DNAH7: variants seen among roughly 807,000 people sequenced by gnomAD.
DNAH7 encodes the protein dynein axonemal heavy chain 7.
In DNAH7, 397 loss-of-function variants were observed where a neutral mutation model predicts 444.6. That is an observed-to-expected ratio of 0.89 (90% CI 0.82 to 0.97). The LOEUF (loss-of-function observed/expected upper bound fraction) is 0.97, where lower values mean the gene tolerates loss of function less well. Ranked by LOEUF, DNAH7 falls within the 50% of genes least tolerant of loss-of-function variation. The pLI is 0.00. For synonymous variants in DNAH7, 1,636 were observed against 1,624.4 expected (o/e 1.01, Z -0.17); for missense variants, 4,902 against 4,800.8 (o/e 1.02, Z -0.62).
At chr2:196,031,887 T>C (rs1028440390) in intron 5 of DNAH7, among the ~76,000 whole-genome samples, 8 of 152,218 alleles carry the variant, frequency 5.3e-5, no homozygotes, top group African/African-American at 1.9e-4. Flanking sequence ...CCTTCCAAAC[T>C]GTTCCAACCT....
chr2:195,827,751 T>A (rs1697844800), intron 48 of DNAH7, among the ~76,000 whole-genome samples: 1 of 151,790 alleles, frequency 6.6e-6, no homozygotes, highest in Non-Finnish European at 1.5e-5. Flanking sequence ...GCTAATTTTT[T>A]TTTTTTTCAG....
At chr2:195,876,498 A>C in intron 37 of DNAH7, 46 bp downstream of exon 37, 1 of 1,561,574 alleles carries the variant, frequency 6.4e-7, no homozygotes, top group Non-Finnish European at 8.7e-7. Context: ...TTCCAACTGC[A>C]GCAATGTATA....
At position 195,756,193 on chromosome 2, in the gene DNAH7, T is replaced by TG. The variant is rs1351511370; in HGVS notation, c.11525dup (p.Ser3843LysfsTer3). The TG allele has an allele frequency of 4.3e-6, 7 of 1,613,592 alleles. No homozygotes were observed. In the South Asian group the frequency reaches 5.5e-5, roughly 13 times the overall value. On this transcript the variant is annotated frameshift_variant, in exon 62 of 65. Coordinates refer to ENST00000312428, the MANE Select transcript of DNAH7 (RefSeq NM_018897.3). LOFTEE classifies it high-confidence loss of function. ...CATAGCTGCCAAGTGGTTTAAGGCT[T>TG]GGGTAGGATTTACCCATCCACATTT...
At chr2:195,869,600 C>T (rs1345642253) in intron 40 of DNAH7, among the ~76,000 whole-genome samples, 1 of 152,046 alleles carries the variant, frequency 6.6e-6, no homozygotes, top group East Asian at 1.9e-4. Flanking sequence ...AAAGCTTCAA[C>T]TAGAAAGAAG....
rs182966427 is a variant in DNAH7, at chr2:195,965,241, G to A, written c.2206-4296C>T. Among the ~76,000 whole-genome samples, 244 of 152,050 alleles carry A rather than the reference G, an allele frequency of 1.6e-3. 1 individual carries two copies. The highest frequency in any genetic ancestry group is 2.8e-3 in the Non-Finnish European group (189 of 67,964). Reference sequence around the variant, plus strand: ...TTGAAATGATCATATTATTTTTGTCGTTCATTCTCTTTATATGATGCATCA... The same window carrying A: ...TTGAAATGATCATATTATTTTTGTCATTCATTCTCTTTATATGATGCATCA... On this transcript the variant is annotated intron_variant, in intron 17 of 64. Transcript: ENST00000312428.
Position 195,796,642 on chromosome 2 carries a change from T to C in DNAH7, c.10449A>G (p.Thr3483=). ...GGTGACAATTCTGAAGAACAACCCA[T>C]GTTCCTTCCTTGACAGCTTTTTCTA... ...KMLEKAVKEG[T]WVVLQNCHLA... The change falls in exon 56 of 65, where the codon ACA becomes ACG. Residue 3483 remains threonine (T), a synonymous_variant. Transcript: ENST00000312428. 1 of 1,614,202 alleles carries C rather than the reference T, an allele frequency of 6.2e-7. No individual in the cohort carries two copies. Among genetic ancestry groups the C allele is most frequent in the Non-Finnish European group, 8.5e-7 (1 of 1,180,008 alleles).
intron 5 of DNAH7, among the ~76,000 whole-genome samples, chr2:196,033,925 C>T (rs1001789996): frequency 1.3e-5 from 2 of 152,166 alleles, no homozygotes; most frequent in African/African-American, 4.8e-5. Context: ...ACAAAGGTTC[C>T]TTTTCTCCAC....
intron 9 of DNAH7, among the ~76,000 whole-genome samples, chr2:196,013,855 A>G (rs1694856424): frequency 6.6e-6 from 1 of 152,226 alleles, no homozygotes; most frequent in Non-Finnish European, 1.5e-5. Flanking sequence ...ATTATTTTAC[A>G]TTTTAAAATT....
intron 40 of DNAH7, among the ~76,000 whole-genome samples, chr2:195,868,232 G>A (rs1700473119): frequency 6.6e-6 from 1 of 151,482 alleles, no homozygotes; most frequent in African/African-American, 2.4e-5. Flanking sequence ...GAGTAGCTGG[G>A]ACTACAGGTG....
At chr2:195,912,808 A>G in intron 24 of DNAH7, among the ~76,000 whole-genome samples, 1 of 152,234 alleles carries the variant, frequency 6.6e-6, no homozygotes, top group Admixed American at 6.5e-5. Context: ...GAAGCAAAAG[A>G]TAAGCTATTG....
At chr2:196,055,399 T>A (rs1269642638) in intron 2 of DNAH7, among the ~76,000 whole-genome samples, 2 of 151,662 alleles carry the variant, frequency 1.3e-5, no homozygotes, top group African/African-American at 4.9e-5. Flanking sequence ...TAACTAAAGA[T>A]AAGAAAAGAA....
At chr2:195,745,264 G>GATGAAATGA (rs1240350885) in intron 63 of DNAH7, among the ~76,000 whole-genome samples, 1 of 152,134 alleles carries the variant, frequency 6.6e-6, no homozygotes, top group African/African-American at 2.4e-5. Flanking sequence ...AGTGATGGAA[G>GATGAAATGA]ATGAAATGAA....
chr2:195,896,251 G>T (rs1702308778), intron 29 of DNAH7, among the ~76,000 whole-genome samples: 1 of 152,036 alleles, frequency 6.6e-6, no homozygotes, highest in Non-Finnish European at 1.5e-5. Context: ...TTTTGTTACG[G>T]TTTTGATTTG....
intron 19 of DNAH7, among the ~76,000 whole-genome samples, chr2:195,940,549 C>G (rs1411535430): frequency 6.6e-6 from 1 of 152,074 alleles, no homozygotes; most frequent in African/African-American, 2.4e-5. Flanking sequence ...AACTAAAGAG[C>G]TTCTGCACAG....
At chr2:195,967,756 T>A (rs1329615469) in intron 17 of DNAH7, among the ~76,000 whole-genome samples, 1 of 152,228 alleles carries the variant, frequency 6.6e-6, no homozygotes, top group Non-Finnish European at 1.5e-5. Context: ...TCTTTTCTCT[T>A]GCTGCTTTTA....
At chr2:195,982,505 G>A (rs1692638515) in intron 15 of DNAH7, among the ~76,000 whole-genome samples, 1 of 152,132 alleles carries the variant, frequency 6.6e-6, no homozygotes, top group Non-Finnish European at 1.5e-5. Context: ...AGGGAAATCA[G>A]TATATTGAAG....
In DNAH7 at chr2:196,047,468, G is replaced by T. The variant is rs1183108724; in HGVS notation, c.282C>A (p.Gly94=). ...TATCATCAACTTGGTGGGGTAATTT[G>T]CCCTTTTTTCCAAAACGTTCCATGT... ...AEYMERFGKK[G]KLPHQVDDSY... is the part of the protein sequence containing the mutation. The change falls in exon 5 of 65, where the codon GGC becomes GGA. Residue 94 remains glycine, a synonymous_variant. Coordinates refer to ENST00000312428, the MANE Select transcript of DNAH7 (RefSeq NM_018897.3). 5.0e-6 allele frequency: 8 copies of T among 1,595,362 alleles called. No individual in the cohort carries two copies. The highest frequency in any genetic ancestry group is 6.8e-6 in the Non-Finnish European group (8 of 1,169,766).
At chr2:195,871,599 A>G in intron 40 of DNAH7, among the ~76,000 whole-genome samples, 1 of 151,990 alleles carries the variant, frequency 6.6e-6, no homozygotes, top group East Asian at 1.9e-4. Flanking sequence ...AGTAATGTAA[A>G]AAAAAAAAAC....
intron 37 of DNAH7, 151 bp from the exon 38 acceptor site, chr2:195,875,994 C>A: frequency 1.5e-6 from 1 of 677,756 alleles, no homozygotes; most frequent in Non-Finnish European, 2.3e-6. Context: ...GGATAATATC[C>A]TTAGCTTCCA....
Sources: gnomAD v4.1 joint callset for allele counts (sites outside exome capture counted in the v4.1 genomes callset) on GRCh38, gnomAD v4.1.1 for gene constraint, MANE v1.5 for transcripts, NCBI Gene and HGNC (gene_info 2026-07-23, HGNC 2026-07-21) for gene names.